TANC1: variants seen among roughly 807,000 people sequenced by gnomAD.
TANC1 encodes protein TANC1.
Under a neutral mutation model 149.7 loss-of-function variants are expected in TANC1, and 77 were observed. The ratio of observed to expected loss-of-function variants is 0.51; its 90% CI spans 0.43 to 0.62. TANC1 has a LOEUF of 0.62. Ranked by LOEUF, TANC1 falls within the 20% of genes least tolerant of loss-of-function variation. The pLI is 0.00. For synonymous variants in TANC1, 854 were observed against 925.0 expected (o/e 0.92, Z 1.39); for missense variants, 1,985 against 2,321.8 (o/e 0.85, Z 2.98).
At chr2:159,002,960 A>G (rs1325838971) in intron 2 of TANC1, among the ~76,000 whole-genome samples, 1 of 152,256 alleles carries the variant, frequency 6.6e-6, no homozygotes, top group East Asian at 1.9e-4. Context: ...CAGCTATCAG[A>G]CATGCAGCAG....
At chr2:159,079,591 C>G (rs2044055094) in intron 3 of TANC1, among the ~76,000 whole-genome samples, 1 of 152,062 alleles carries the variant, frequency 6.6e-6, no homozygotes, top group African/African-American at 2.4e-5. Flanking sequence ...ATAACAGTAT[C>G]TATGTCCTCT....
In TANC1 at chr2:159,163,461, A is replaced by G. The variant is rs1384118756; in HGVS notation, c.861A>G (p.Lys287=). The G allele has an allele frequency of 6.2e-7, 1 of 1,613,918 alleles. No individual in the cohort carries two copies. Among genetic ancestry groups the G allele is most frequent in the Non-Finnish European group, 8.5e-7 (1 of 1,180,024 alleles). The change falls in exon 8 of 27, where the codon AAA becomes AAG. Residue 287 remains lysine (K), a synonymous_variant. Coordinates refer to ENST00000263635, the MANE Select transcript of TANC1 (RefSeq NM_033394.3). The part of the protein sequence containing the change: ...TTGSAESTLP[K]AESSAGDGPV... ...GGTCAGCAGAGAGCACGCTGCCCAA[A>G]GCAGAATCCTCAGCTGGAGATGGTC...
chr2:159,176,907 ATTTT>A (rs10647127), intron 13 of TANC1, among the ~76,000 whole-genome samples: 1 of 101,986 alleles, frequency 9.8e-6, no homozygotes, highest in African/African-American at 3.9e-5. Context: ...AAGGTGAAAG[ATTTT>A]TTTTTTTTTT....
chr2:159,139,038 A>T (rs951372849), intron 5 of TANC1, among the ~76,000 whole-genome samples: 1 of 152,216 alleles, frequency 6.6e-6, no homozygotes, highest in African/African-American at 2.4e-5. Flanking sequence ...TGATGTAAGA[A>T]GATGAATTTT....
At chr2:159,170,870 C>G in intron 10 of TANC1, 65 bp downstream of exon 10, 1 of 1,548,132 alleles carries the variant, frequency 6.5e-7, no homozygotes, top group Non-Finnish European at 8.8e-7. Flanking sequence ...AATTGCTGTT[C>G]ACATAGACAT....
At chr2:159,105,623 C>T (rs969934669) in intron 4 of TANC1, among the ~76,000 whole-genome samples, 5 of 152,132 alleles carry the variant, frequency 3.3e-5, no homozygotes, top group Non-Finnish European at 5.9e-5. Context: ...TTTTGATGGT[C>T]GCTCCTGCTT....
intron 13 of TANC1, among the ~76,000 whole-genome samples, chr2:159,178,021 G>C (rs2056065045): frequency 6.6e-6 from 1 of 152,224 alleles, no homozygotes; most frequent in Non-Finnish European, 1.5e-5. Flanking sequence ...TACCAAAGTA[G>C]GCAGCTTTGT....
At chr2:159,188,722 A>G (rs2057211028) in intron 16 of TANC1, among the ~76,000 whole-genome samples, 2 of 152,232 alleles carry the variant, frequency 1.3e-5, no homozygotes, top group African/African-American at 4.8e-5. Flanking sequence ...GGGAATGCTG[A>G]TGCTGCCCTA....
chr2:159,218,994 G>T (rs988900355), intron 20 of TANC1, among the ~76,000 whole-genome samples: 1 of 152,104 alleles, frequency 6.6e-6, no homozygotes, highest in Non-Finnish European at 1.5e-5. Flanking sequence ...TTTCTCTCTG[G>T]TATGTGTATA....
chr2:159,136,995 CT>C (rs1248818612), intron 5 of TANC1, among the ~76,000 whole-genome samples: 1 of 152,066 alleles, frequency 6.6e-6, no homozygotes, highest in East Asian at 1.9e-4. Flanking sequence ...TCTCTCTTGC[CT>C]TTAATTTGGG....
chr2:159,224,211 A>T, intron 22 of TANC1, 21 bp from the exon 23 acceptor site: 1 of 1,613,764 alleles, frequency 6.2e-7, no homozygotes, highest in Non-Finnish European at 8.5e-7. Flanking sequence ...GCTGCTGCTT[A>T]GGCTTCTGCT....
chr2:159,108,148 A>G (rs2047374910), intron 4 of TANC1, among the ~76,000 whole-genome samples: 1 of 152,258 alleles, frequency 6.6e-6, no homozygotes, highest in Non-Finnish European at 1.5e-5. Flanking sequence ...CTTTACATTT[A>G]GAAAGCTGGG....
At chr2:159,127,451 C>G (rs924883615) in intron 4 of TANC1, among the ~76,000 whole-genome samples, 3 of 152,230 alleles carry the variant, frequency 2.0e-5, no homozygotes, top group African/African-American at 7.2e-5. Context: ...CTAGCAATCC[C>G]ATTACGAGGT....
chr2:159,136,047 TGTGCGCGC>T lies in TANC1; in HGVS notation c.260-145_260-138del, dbSNP rs878994410. ...GTGTGTGTGTGTGTGTGTGTGTGTGTGTGCGCGCGCGCGCGTTTAAGGGAGGGGAAGGC... is the reference window on the plus strand; with the variant it reads ...GTGTGTGTGTGTGTGTGTGTGTGTGTGCGCGCGTTTAAGGGAGGGGAAGGC... On this transcript the variant is annotated intron_variant, in intron 4 of 26. Coordinates refer to ENST00000263635, the MANE Select transcript of TANC1 (RefSeq NM_033394.3). 1.6e-3 allele frequency: 335 copies of T among 211,268 alleles called. 55 individuals carry two copies. The highest frequency in any genetic ancestry group is 0.011 in the South Asian group (294 of 26,730). The allele number at this position is 211,268 out of a possible 1,614,324, so 13.1% of individuals were successfully genotyped here.
chr2:158,979,639 G>C (rs566627965), intron 1 of TANC1, among the ~76,000 whole-genome samples: 1 of 152,204 alleles, frequency 6.6e-6, no homozygotes, highest in Non-Finnish European at 1.5e-5. Context: ...TGTTGTTGTT[G>C]TTCTTGGCTA....
Position 159,227,644 on chromosome 2 carries a change from CAT to C in TANC1, c.3904-174_3904-173del, listed in dbSNP as rs1347562551. 1.2e-5 allele frequency: 8 copies of C among 648,942 alleles called. No individual in the cohort carries two copies. In the East Asian group the frequency reaches 2.2e-4, roughly 18 times the overall value. 40.2% of individuals were successfully genotyped at this position (648,942 alleles called of 1,614,324 possible). ...GTGCATGTGAGGACAGTGAAGCCCT[CAT>C]GTGCCAGCCCAGTTAGTGAACTAGC... On this transcript the variant is annotated intron_variant, in intron 24 of 26. Coordinates refer to ENST00000263635, the MANE Select transcript of TANC1 (RefSeq NM_033394.3).
chr2:158,981,348 A>T (rs1244490694), intron 1 of TANC1, among the ~76,000 whole-genome samples: 1 of 151,146 alleles, frequency 6.6e-6, no homozygotes, highest in Non-Finnish European at 1.5e-5. Context: ...AGTCCTTGCC[A>T]CTAGGGAGCC....
At chr2:159,061,973 C>CA (rs1187673606) in intron 2 of TANC1, among the ~76,000 whole-genome samples, 2 of 152,158 alleles carry the variant, frequency 1.3e-5, no homozygotes, top group Non-Finnish European at 2.9e-5. Context: ...CGTGGTAGTT[C>CA]ACACCTGTAA....
chr2:158,985,800 C>T (rs893114540), intron 1 of TANC1, among the ~76,000 whole-genome samples: 3 of 152,150 alleles, frequency 2.0e-5, no homozygotes, highest in Admixed American at 1.3e-4. Flanking sequence ...TGTGCCACCA[C>T]GCCCAGCTAA....
Sources: allele counts gnomAD v4.1 joint callset (sites outside exome capture counted in the v4.1 genomes callset), GRCh38; gene constraint gnomAD v4.1.1; transcripts MANE v1.5; gene names NCBI Gene and HGNC (gene_info 2026-07-23, HGNC 2026-07-21).